Variants in RIMS2 observed in about 807,000 individuals in gnomAD.
RIMS2 encodes the protein regulating synaptic membrane exocytosis protein 2.
RIMS2 carries 59 observed loss-of-function variants against 174.4 expected under a neutral mutation model. That is an observed-to-expected ratio of 0.34 (90% CI 0.27 to 0.42). The LOEUF is 0.42. RIMS2 is among the 10% of genes least tolerant of loss of function. The pLI, the probability that RIMS2 is intolerant of heterozygous loss-of-function variation, is 1.00. For missense variants in RIMS2, 1,620 were observed against 1,666.3 expected, an observed-to-expected ratio of 0.97 and a Z score of 0.48; for synonymous variants, 606 against 572.5, an observed-to-expected ratio of 1.06 and a Z score of -0.84.
intron 19 of RIMS2, among the ~76,000 whole-genome samples, chr8:104,100,933 T>G (rs1377625267): frequency 9.1e-6 from 1 of 110,130 alleles, no homozygotes; most frequent in Non-Finnish European, 1.7e-5. Context: ...ATATGTGATA[T>G]ATTATATATT....
At chr8:104,137,106 C>A (rs2098527241) in intron 19 of RIMS2, among the ~76,000 whole-genome samples, 3 of 152,066 alleles carry the variant, frequency 2.0e-5, no homozygotes, top group Admixed American at 2.0e-4. Flanking sequence ...ACATACTTTT[C>A]AAATTTGAAA....
At chr8:103,622,337 G>T (rs370763120) in intron 1 of RIMS2, among the ~76,000 whole-genome samples, 1 of 151,774 alleles carries the variant, frequency 6.6e-6, no homozygotes, top group East Asian at 1.9e-4. Context: ...CAGAAGAAAT[G>T]TGAAGATATT....
intron 3 of RIMS2, among the ~76,000 whole-genome samples, chr8:103,821,647 G>T (rs1564763258): frequency 6.6e-6 from 1 of 151,414 alleles, no homozygotes; most frequent in African/African-American, 2.4e-5. Context: ...TAATTTTTTG[G>T]TTATTTTTTG....
chr8:103,728,122 A>G (rs1302103102), intron 2 of RIMS2, among the ~76,000 whole-genome samples: 1 of 151,830 alleles, frequency 6.6e-6, no homozygotes, highest in Admixed American at 6.6e-5. Context: ...TCCTCCATTA[A>G]TGTTTTATAG....
intron 17 of RIMS2, among the ~76,000 whole-genome samples, chr8:104,005,391 C>T (rs1257457557): frequency 6.6e-6 from 1 of 152,170 alleles, no homozygotes; most frequent in Non-Finnish European, 1.5e-5. Context: ...TAAGTAGCTT[C>T]TGCAGATGAA....
intron 1 of RIMS2, among the ~76,000 whole-genome samples, chr8:103,656,308 T>C (rs910851256): frequency 6.6e-6 from 1 of 152,156 alleles, no homozygotes; most frequent in Non-Finnish European, 1.5e-5. Flanking sequence ...AAGATGCTTA[T>C]AATTATCCAG....
chr8:103,961,052 G>A lies in RIMS2; in HGVS notation c.2702-13G>A, dbSNP rs1565543552. On this transcript the variant is annotated splice_polypyrimidine_tract_variant and intron_variant, in intron 14 of 23. Transcript: ENST00000504942. ...ATCAGAATTTTTAATTATTGCTATTGTTTACTTTATAGGGTCAAAGAGAAT... is the reference window on the plus strand; with the variant it reads ...ATCAGAATTTTTAATTATTGCTATTATTTACTTTATAGGGTCAAAGAGAAT... The A allele has an allele frequency of 7.4e-7, 1 of 1,358,164 alleles. No individual in the cohort carries two copies. Among genetic ancestry groups the A allele is most frequent in the Non-Finnish European group, 1.1e-6 (1 of 949,990 alleles). 84.1% of individuals were successfully genotyped at this position (1,358,164 alleles called of 1,614,324 possible). A position where few individuals can be genotyped will look rare whatever the true frequency, so the allele number is the denominator to read the frequency against.
At chr8:103,844,270 A>G (rs772663024) in intron 3 of RIMS2, among the ~76,000 whole-genome samples, 15 of 152,272 alleles carry the variant, frequency 9.9e-5, no homozygotes, top group South Asian at 2.1e-4. Context: ...ACTTTCACCA[A>G]TTTTTATAAG....
intron 19 of RIMS2, among the ~76,000 whole-genome samples, chr8:104,243,504 G>C (rs1352495527): frequency 6.6e-6 from 1 of 152,076 alleles, no homozygotes; most frequent in Non-Finnish European, 1.5e-5. Flanking sequence ...GGCCAACATA[G>C]CGAAACCCCA....
rs1053816981 is a variant in RIMS2 at position 103,934,888 on chromosome 8, G to C, written c.2376-1663G>C. On this transcript the variant is annotated intron_variant, in intron 12 of 23. Transcript: ENST00000504942. ...AATTTTTTGTATTTTTGGTAGAGAC[G>C]GGGTTTCACCATGTTGGCCAGGATG... 2.6e-5 allele frequency among the ~76,000 whole-genome samples: 4 copies of C among 151,878 alleles called. No homozygotes were observed. In the East Asian group the frequency reaches 5.8e-4, roughly 22 times the overall value.
At chr8:104,097,970 G>A (rs920805347) in intron 19 of RIMS2, among the ~76,000 whole-genome samples, 3 of 152,190 alleles carry the variant, frequency 2.0e-5, no homozygotes, top group South Asian at 2.1e-4. Context: ...AGCAATGCTA[G>A]TACTTACAAT....
intron 1 of RIMS2, among the ~76,000 whole-genome samples, chr8:103,623,478 GTTTT>G (rs71575976): frequency 1.2e-5 from 1 of 83,236 alleles, no homozygotes; most frequent in African/African-American, 4.8e-5. Flanking sequence ...GGTTTCTTCA[GTTTT>G]TTTTTTTTTT....
chr8:103,907,567 T>G (rs934725336), intron 4 of RIMS2, among the ~76,000 whole-genome samples: 1 of 152,130 alleles, frequency 6.6e-6, no homozygotes, highest in East Asian at 1.9e-4. Context: ...TTCTCTTTTT[T>G]GTTTTTTCTC....
chr8:104,101,274 G>A (rs1286590080), intron 19 of RIMS2, among the ~76,000 whole-genome samples: 1 of 151,452 alleles, frequency 6.6e-6, no homozygotes, highest in Non-Finnish European at 1.5e-5. Context: ...TTACAGGCAT[G>A]TGCCACCATG....
Position 104,166,734 on chromosome 8 carries a change from G to A in RIMS2, c.3335-78182G>A, listed in dbSNP as rs537553902. Among the ~76,000 whole-genome samples, 230 of 151,264 alleles carry A rather than the reference G, an allele frequency of 1.5e-3. 4 individuals are homozygous for A. The highest frequency in any genetic ancestry group is 9.7e-4 in the East Asian group (5 of 5,130). ...GTTACACAGTTTTATATTTATAACT[G>A]TATAAATATTTATATTTATATATAA... On this transcript the variant is annotated intron_variant, in intron 19 of 23. Transcript: ENST00000504942.
intron 1 of RIMS2, among the ~76,000 whole-genome samples, chr8:103,692,471 T>C (rs1005715431): frequency 5.3e-5 from 8 of 152,228 alleles, no homozygotes; most frequent in East Asian, 1.9e-4. Context: ...CAGTGAAGTC[T>C]CTTCCTATGG....
chr8:103,546,003 C>T (rs1206539431), intron 1 of RIMS2, among the ~76,000 whole-genome samples: 1 of 152,128 alleles, frequency 6.6e-6, no homozygotes, highest in Non-Finnish European at 1.5e-5. Context: ...GCTCACTACA[C>T]ATTGACAGGA....
chr8:104,125,491 G>A (rs1244635340), intron 19 of RIMS2, among the ~76,000 whole-genome samples: 1 of 152,104 alleles, frequency 6.6e-6, no homozygotes, highest in Non-Finnish European at 1.5e-5. Context: ...GATGGTTATT[G>A]TCATCATTGT....
At chr8:103,801,419 C>G (rs2098607044) in intron 3 of RIMS2, among the ~76,000 whole-genome samples, 1 of 152,098 alleles carries the variant, frequency 6.6e-6, no homozygotes, top group Non-Finnish European at 1.5e-5. Context: ...TATATTTATT[C>G]TAGGGTTGTC....
Sources: allele counts gnomAD v4.1 joint callset (sites outside exome capture counted in the v4.1 genomes callset), GRCh38; gene constraint gnomAD v4.1.1; transcripts MANE v1.5; gene names NCBI Gene and HGNC (gene_info 2026-07-23, HGNC 2026-07-21).